MTA3: variants seen among roughly 807,000 people sequenced by gnomAD.
MTA3 encodes the protein metastasis-associated protein MTA3.
MTA3 carries 34 observed loss-of-function variants against 83.5 expected under a neutral mutation model. The observed-to-expected ratio is 0.41, with a 90% confidence interval of 0.31 to 0.54. The LOEUF is 0.54. MTA3 is among the 20% of genes least tolerant of loss of function. The pLI, the probability that MTA3 is intolerant of heterozygous loss-of-function variation, is 0.33. For synonymous variants in MTA3, 303 were observed against 252.7 expected (o/e 1.20, Z -1.89); for missense variants, 761 against 726.4 (o/e 1.05, Z -0.55).
chr2:42,516,746 A>G (rs1368841531), intron 2 of MTA3, among the ~76,000 whole-genome samples: 1 of 152,244 alleles, frequency 6.6e-6, no homozygotes, highest in African/African-American at 2.4e-5. Flanking sequence ...ATGCAAAGAA[A>G]TTAGGAAACC....
chr2:42,591,803 A>G (rs1681039348), intron 3 of MTA3, among the ~76,000 whole-genome samples: 1 of 152,050 alleles, frequency 6.6e-6, no homozygotes, highest in Non-Finnish European at 1.5e-5. Context: ...GGTGCACACC[A>G]CCACGCCCAG....
chr2:42,734,910 A>T (rs1668501917), intron 16 of MTA3, among the ~76,000 whole-genome samples: 1 of 152,136 alleles, frequency 6.6e-6, no homozygotes, highest in African/African-American at 2.4e-5. Flanking sequence ...TTTATATCTT[A>T]TACTGCTTAT....
At chr2:42,664,742 A>AG (rs891372976) in intron 8 of MTA3, among the ~76,000 whole-genome samples, 3 of 152,146 alleles carry the variant, frequency 2.0e-5, no homozygotes, top group African/African-American at 7.2e-5. Flanking sequence ...CAGAGAGGGC[A>AG]GGGTTGTGGA....
chr2:42,592,875 G>GT lies in MTA3; in HGVS notation c.190+13676dup. On this transcript the variant is annotated intron_variant, in intron 3 of 16. Transcript: ENST00000405094. The stretch of plus-strand genomic sequence containing the variant: ...ACACTCTAAGACAACAATAGGCCAG[G>GT]TGCGGTGGCTCACGCCTGTAATCCC... Among the ~76,000 whole-genome samples, 8 of 152,280 alleles carry GT rather than the reference G, an allele frequency of 5.3e-5. No individual in the cohort carries two copies. The East Asian group carries it at 1.5e-3, about 29-fold the overall frequency.
chr2:42,497,183 G>A (rs1190985933), intron 2 of MTA3, among the ~76,000 whole-genome samples: 1 of 151,816 alleles, frequency 6.6e-6, no homozygotes, highest in Non-Finnish European at 1.5e-5. Context: ...TCCAGCCTGG[G>A]CTACAAGAGC....
At chr2:42,636,433 TG>T (rs1687200709) in intron 4 of MTA3, among the ~76,000 whole-genome samples, 1 of 151,892 alleles carries the variant, frequency 6.6e-6, no homozygotes, top group South Asian at 2.1e-4. Flanking sequence ...TCCCAGCTAC[TG>T]GGGAGGCTGA....
At chr2:42,717,893 C>G (rs1442539404) in intron 14 of MTA3, among the ~76,000 whole-genome samples, 1 of 152,162 alleles carries the variant, frequency 6.6e-6, no homozygotes, top group Non-Finnish European at 1.5e-5. Context: ...TCTTCCATGT[C>G]ATTTCAATCT....
intron 2 of MTA3, among the ~76,000 whole-genome samples, chr2:42,509,294 C>T (rs976579260): frequency 6.6e-6 from 1 of 152,090 alleles, no homozygotes. Context: ...CCGCTTGCCT[C>T]GGCCTCCCAG....
At chr2:42,532,298 G>A (rs1300253366) in intron 2 of MTA3, among the ~76,000 whole-genome samples, 1 of 152,174 alleles carries the variant, frequency 6.6e-6, no homozygotes, top group East Asian at 1.9e-4. Context: ...ATCACTTGAG[G>A]TCAGTAGTTC....
intron 2 of MTA3, among the ~76,000 whole-genome samples, chr2:42,516,649 G>A (rs139974225): frequency 2.8e-3 from 427 of 152,310 alleles, no homozygotes; most frequent in Non-Finnish European, 5.0e-3. Context: ...ATGTAGTGGT[G>A]ACAAGCCCTG....
chr2:42,738,688 T>A (rs1316288245), intron 16 of MTA3, among the ~76,000 whole-genome samples: 1 of 152,202 alleles, frequency 6.6e-6, no homozygotes, highest in Admixed American at 6.5e-5. Context: ...GCCATATTTC[T>A]CTTGTTTCAA....
At chr2:42,719,427 C>T (rs886496835) in intron 15 of MTA3, among the ~76,000 whole-genome samples, 2 of 152,168 alleles carry the variant, frequency 1.3e-5, no homozygotes, top group African/African-American at 4.8e-5. Context: ...AGATCCCTTC[C>T]CTGTTTCTAA....
chr2:42,532,430 T>C (rs1284224615), intron 2 of MTA3, among the ~76,000 whole-genome samples: 5 of 152,108 alleles, frequency 3.3e-5, no homozygotes, highest in Non-Finnish European at 4.4e-5. Context: ...GAAGCCCTTC[T>C]ACCCGGAAGG....
At chr2:42,665,986 T>C (rs1015688040) in intron 8 of MTA3, among the ~76,000 whole-genome samples, 3 of 152,096 alleles carry the variant, frequency 2.0e-5, no homozygotes, top group Non-Finnish European at 4.4e-5. Context: ...CTTTTAAAAG[T>C]GTAACTGTTG....
rs1231600223 is a variant in MTA3 at position 42,647,963 on chromosome 2, C to G, written c.499+3719C>G. On this transcript the variant is annotated intron_variant, in intron 6 of 16. Coordinates refer to ENST00000405094, the MANE Select transcript of MTA3 (RefSeq NM_001330442.2). The stretch of plus-strand genomic sequence containing the variant: ...AAGCAATTTTCTCCTGCATCAGCCT[C>G]CCAAGTGGCTGGGATTACAGGTGCC... Among the ~76,000 whole-genome samples the G allele has an allele frequency of 2.0e-5, 3 of 152,318 alleles. No individual in the cohort carries two copies. The East Asian group carries it at 5.8e-4, about 29-fold the overall frequency.
intron 2 of MTA3, among the ~76,000 whole-genome samples, chr2:42,503,288 G>T (rs532407464): frequency 9.8e-5 from 15 of 152,292 alleles, no homozygotes; most frequent in Admixed American, 9.2e-4. Context: ...AACTGTCATT[G>T]TGCTGGTGGG....
intron 2 of MTA3, among the ~76,000 whole-genome samples, chr2:42,521,253 C>T (rs1353780315): frequency 2.0e-5 from 3 of 152,118 alleles, no homozygotes; most frequent in Non-Finnish European, 4.4e-5. Context: ...TTTAGAGAGG[C>T]CTACGCAGAA....
At chr2:42,564,348 C>G (rs1043405439), upstream of MTA3, among the ~76,000 whole-genome samples, 1 of 152,146 alleles carries the variant, frequency 6.6e-6, no homozygotes, top group African/African-American at 2.4e-5. Context: ...CACATACTGC[C>G]CGAAACCAAG....
At chr2:42,520,862 A>T (rs1423204188) in intron 2 of MTA3, among the ~76,000 whole-genome samples, 1 of 152,068 alleles carries the variant, frequency 6.6e-6, no homozygotes, top group Non-Finnish European at 1.5e-5. Flanking sequence ...CACCACGCCC[A>T]GCCTGGTTCC....
Sources: gnomAD v4.1 joint callset for allele counts (sites outside exome capture counted in the v4.1 genomes callset) on GRCh38, gnomAD v4.1.1 for gene constraint, MANE v1.5 for transcripts, NCBI Gene and HGNC (gene_info 2026-07-23, HGNC 2026-07-21) for gene names.